The following ANKAR variants were observed in gnomAD, a reference collection of about 807,000 sequenced individuals.
ANKAR encodes the protein ankyrin and armadillo repeat containing.
ANKAR carries 136 observed loss-of-function variants against 146.2 expected under a neutral mutation model. The ratio of observed to expected loss-of-function variants is 0.93; its 90% CI spans 0.81 to 1.07. ANKAR has a LOEUF of 1.07. Ranked by LOEUF, ANKAR falls within the 50% of genes least tolerant of loss-of-function variation. ANKAR has a pLI of 0.00. For synonymous variants in ANKAR, 500 were observed against 575.8 expected (o/e 0.87, Z 1.88); for missense variants, 1,567 against 1,679.9 (o/e 0.93, Z 1.18).
chr2:189,742,964 AC>A (rs2043581028), intron 20 of ANKAR, among the ~76,000 whole-genome samples: 1 of 131,252 alleles, frequency 7.6e-6, no homozygotes, highest in African/African-American at 2.7e-5. Flanking sequence ...ACACACACAC[AC>A]ACACACACAC....
rs748156980 is a variant in ANKAR at position 189,720,802 on chromosome 2, C to G, written c.2635+15C>G. On this transcript the variant is annotated intron_variant, in intron 12 of 22. Coordinates refer to ENST00000684021, the MANE Select transcript of ANKAR (RefSeq NM_001378068.1). Reference sequence around the variant, plus strand: ...TTCTGATTCAGGTGAGCTTCTATCTCTGTATTATTTTATAATGACCAGATA... The same window carrying G: ...TTCTGATTCAGGTGAGCTTCTATCTGTGTATTATTTTATAATGACCAGATA... 4 of 1,443,676 alleles carry G rather than the reference C, an allele frequency of 2.8e-6. No individual in the cohort carries two copies. The highest frequency in any genetic ancestry group is 2.6e-5 in the East Asian group (1 of 38,710). The allele number at this position is 1,443,676 out of a possible 1,614,324, so 89.4% of individuals were successfully genotyped here.
At chr2:189,761,351 T>C, downstream of ANKAR, 2 of 1,511,290 alleles carry the variant, frequency 1.3e-6, no homozygotes, top group Non-Finnish European at 1.8e-6. Flanking sequence ...CTTTTATATA[T>C]GACAAATACA....
At chr2:189,751,047 A>G (rs2045103556), downstream of ANKAR, among the ~76,000 whole-genome samples, 1 of 152,202 alleles carries the variant, frequency 6.6e-6, no homozygotes, top group Non-Finnish European at 1.5e-5. Flanking sequence ...GAAATGTCCT[A>G]GGTTTCTATA....
intron 12 of ANKAR, among the ~76,000 whole-genome samples, chr2:189,727,523 C>CAAAAAA (rs777516459): frequency 3.4e-4 from 20 of 58,910 alleles, no homozygotes; most frequent in Admixed American, 1.1e-3. Flanking sequence ...AACCTTGTCT[C>CAAAAAA]AAAAAAAAAA....
intron 10 of ANKAR, among the ~76,000 whole-genome samples, chr2:189,711,394 T>C (rs1347857148): frequency 6.6e-6 from 1 of 152,178 alleles, no homozygotes. Context: ...AATTAAAAAA[T>C]AATGTTAAGT....
At chr2:189,686,214 T>C (rs2035568752) in intron 2 of ANKAR, among the ~76,000 whole-genome samples, 1 of 152,072 alleles carries the variant, frequency 6.6e-6, no homozygotes, top group Non-Finnish European at 1.5e-5. Context: ...AAAAAAAAGA[T>C]TTGAGAAAGA....
chr2:189,760,373 C>T (rs1012869509), intron 18 of ANKAR, among the ~76,000 whole-genome samples: 11 of 152,122 alleles, frequency 7.2e-5, no homozygotes, highest in South Asian at 2.1e-4. Flanking sequence ...GGGCGGCTGC[C>T]GGGCAGAGGC....
At position 189,675,375 on chromosome 2, in the gene ANKAR, C is replaced by CT. The variant is rs374131861; in HGVS notation, c.-36+555dup. 9.4e-4 allele frequency among the ~76,000 whole-genome samples: 141 copies of CT among 149,272 alleles called. 1 individual carries two copies. The highest frequency in any genetic ancestry group is 5.7e-3 in the South Asian group (27 of 4,710). ...CAAATGCTTCTTTCCTTTTCTTTTT[C>CT]TTTTTTTTTTCTTTTTTTGAAACAG... On this transcript the variant is annotated intron_variant, in intron 1 of 22. Coordinates refer to ENST00000684021, the MANE Select transcript of ANKAR (RefSeq NM_001378068.1).
intron 7 of ANKAR, among the ~76,000 whole-genome samples, chr2:189,696,828 A>G (rs1574444611): frequency 6.6e-6 from 1 of 152,204 alleles, no homozygotes; most frequent in South Asian, 2.1e-4. Flanking sequence ...TAGAACAATC[A>G]TTCTTTATTC....
chr2:189,755,238 C>T, intron 18 of ANKAR: 1 of 1,613,066 alleles, frequency 6.2e-7, no homozygotes, highest in Non-Finnish European at 8.5e-7. Flanking sequence ...TCTGAAACTC[C>T]TTGAACTAAT....
At chr2:189,694,937 C>A in intron 5 of ANKAR, 44 bp from the exon 6 acceptor site, 2 of 1,279,850 alleles carry the variant, frequency 1.6e-6, no homozygotes, top group Non-Finnish European at 2.0e-6. Context: ...TAGCAAATCA[C>A]TTCAAAGTTA....
At position 189,719,703 on chromosome 2, in the gene ANKAR, C is replaced by T. The variant is rs775570284; in HGVS notation, c.2356C>T (p.Pro786Ser). The change falls in exon 11 of 23, where the codon CCA becomes TCA. Residue 786 changes from proline to serine, a missense_variant. Coordinates refer to ENST00000684021, the MANE Select transcript of ANKAR (RefSeq NM_001378068.1). ...VHALVEAGGIPSLINLLVCDE... is the reference protein window; with the variant it reads ...VHALVEAGGISSLINLLVCDE... ...TGCTTTGGTAGAAGCGGGAGGCATT[C>T]CATCTCTAATCAACCTACTGGTTTG... is the stretch of plus-strand genomic sequence containing the variant. The T allele has an allele frequency of 6.2e-7, 1 of 1,614,140 alleles. No individual in the cohort carries two copies. Among genetic ancestry groups the T allele is most frequent in the Admixed American group, 1.7e-5 (1 of 60,022 alleles).
intron 2 of ANKAR, among the ~76,000 whole-genome samples, chr2:189,688,497 C>G (rs1266564310): frequency 6.6e-6 from 1 of 152,124 alleles, no homozygotes; most frequent in Non-Finnish European, 1.5e-5. Flanking sequence ...CTATGAAGAA[C>G]AGTGACTGCT....
At chr2:189,713,807 C>T (rs529740955) in intron 10 of ANKAR, among the ~76,000 whole-genome samples, 96 of 152,280 alleles carry the variant, frequency 6.3e-4, no homozygotes, top group Admixed American at 1.8e-3. Flanking sequence ...AATTAAAAGA[C>T]ACGGACTGGC....
downstream of ANKAR, among the ~76,000 whole-genome samples, chr2:189,747,844 C>T (rs1162240237): frequency 6.6e-6 from 1 of 152,168 alleles, no homozygotes; most frequent in African/African-American, 2.4e-5. Flanking sequence ...TGCCACCACA[C>T]CTGGCTAATT....
At position 189,719,724 on chromosome 2, in the gene ANKAR, G is replaced by A; in HGVS notation, c.2377G>A (p.Val793Ile). ...GGIPSLINLL[V>I]CDEPEVHSRC... Reference sequence around the variant, plus strand: ...CATTCCATCTCTAATCAACCTACTGGTTTGTGATGAGCCTGAAGTACACTC... The same window carrying A: ...CATTCCATCTCTAATCAACCTACTGATTTGTGATGAGCCTGAAGTACACTC... Residue 793 changes from valine (V) to isoleucine (I), a missense_variant, in exon 11 of 23, where the codon GTT becomes ATT. Val to Ile is a conservative substitution (Grantham distance 29). Coordinates refer to ENST00000684021, the MANE Select transcript of ANKAR (RefSeq NM_001378068.1). 3.1e-6 allele frequency: 5 copies of A among 1,613,956 alleles called. No individual in the cohort carries two copies. The South Asian group carries it at 4.4e-5, about 14-fold the overall frequency.
At chr2:189,716,137 G>A (rs890048354) in intron 10 of ANKAR, among the ~76,000 whole-genome samples, 5 of 152,170 alleles carry the variant, frequency 3.3e-5, no homozygotes, top group African/African-American at 1.2e-4. Context: ...TAGGAAAAGA[G>A]GAAGTCAAAT....
chr2:189,736,266 G>A (rs1473154493), intron 17 of ANKAR, among the ~76,000 whole-genome samples: 2 of 152,104 alleles, frequency 1.3e-5, no homozygotes, highest in African/African-American at 4.8e-5. Flanking sequence ...AACCCTACAT[G>A]GAAAAGAAAT....
rs765789476 is a variant in ANKAR at position 189,720,750 on chromosome 2, C to T, written c.2598C>T (p.Gly866=). ...AAAGAGCTGTGAGAGAACATAAAGG[C>T]CTCCCATATCTTATCAGATTTCTGA... is the stretch of plus-strand genomic sequence containing the variant. ...NNQRAVREHK[G]LPYLIRFLSS... is the part of the protein sequence containing the mutation. Residue 866 remains glycine (G), a synonymous_variant, in exon 12 of 23, where the codon GGC becomes GGT. Coordinates refer to ENST00000684021, the MANE Select transcript of ANKAR (RefSeq NM_001378068.1). 4.0e-6 allele frequency: 6 copies of T among 1,506,572 alleles called. No homozygotes were observed. The highest frequency in any genetic ancestry group is 2.5e-5 in the East Asian group (1 of 39,656). The allele number at this position is 1,506,572 out of a possible 1,614,324, so 93.3% of individuals were successfully genotyped here.
Sources: gnomAD v4.1 joint callset for allele counts (sites outside exome capture counted in the v4.1 genomes callset) on GRCh38, gnomAD v4.1.1 for gene constraint, MANE v1.5 for transcripts, NCBI Gene and HGNC (gene_info 2026-07-23, HGNC 2026-07-21) for gene names.